Variants in WTAP observed in about 807,000 individuals in gnomAD.
The protein encoded by WTAP is WT1 associated protein, also known as pre-mRNA-splicing regulator WTAP.
Under a neutral mutation model 50.0 loss-of-function variants are expected in WTAP, and 8 were observed. The ratio of observed to expected loss-of-function variants is 0.16; its 90% CI spans 0.09 to 0.29. The LOEUF is 0.29. WTAP is among the 10% of genes least tolerant of loss of function. The pLI is 1.00. For missense variants in WTAP, 295 were observed against 470.7 expected (o/e 0.63, Z 3.45); for synonymous variants, 194 against 169.0 (o/e 1.15, Z -1.15).
At chr6:159,746,710 C>T (rs374326210) in intron 5 of WTAP, among the ~76,000 whole-genome samples, 33 of 152,228 alleles carry the variant, frequency 2.2e-4, no homozygotes, top group Admixed American at 8.5e-4. Context: ...TTTTTGTTCA[C>T]CTCAGTGGTA....
intron 1 of WTAP, among the ~76,000 whole-genome samples, chr6:159,728,671 A>T (rs1778377494): frequency 6.6e-6 from 1 of 152,242 alleles, no homozygotes; most frequent in Non-Finnish European, 1.5e-5. Flanking sequence ...TATGAGCGAA[A>T]AATCTTTTCA....
At chr6:159,749,771 A>G (rs1779755245) in intron 6 of WTAP, among the ~76,000 whole-genome samples, 1 of 152,186 alleles carries the variant, frequency 6.6e-6, no homozygotes, top group South Asian at 2.1e-4. Context: ...TATAGTGATC[A>G]TTTCTAGCAA....
In WTAP at chr6:159,755,738, T is replaced by G; in HGVS notation, c.*127T>G. 2 of 1,221,606 alleles carry G rather than the reference T, an allele frequency of 1.6e-6. No homozygotes were observed. Among genetic ancestry groups the G allele is most frequent in the Non-Finnish European group, 2.1e-6 (2 of 971,148 alleles). 75.7% of individuals were successfully genotyped at this position (1,221,606 alleles called of 1,614,324 possible). A position where few individuals can be genotyped will look rare whatever the true frequency, so the allele number is the denominator to read the frequency against. On this transcript the variant is annotated 3_prime_UTR_variant, in exon 8 of 8. Transcript: ENST00000621533. The stretch of plus-strand genomic sequence containing the variant: ...GTACGTTTTGGTTTTTTTTTGTTGT[T>G]TTTTTTCTTTGTTTTTTTTTTCTTT...
chr6:159,738,981 T>A lies in WTAP; in HGVS notation c.31-9T>A. On this transcript the variant is annotated splice_polypyrimidine_tract_variant and intron_variant, in intron 2 of 7. Coordinates refer to ENST00000621533, the MANE Select transcript of WTAP (RefSeq NM_001270531.2). Reference sequence around the variant, plus strand: ...GAACACTAAATTCATATTGTAATTCTCTTTATAGGTTCGATTGAGTGAAAC... The same window carrying A: ...GAACACTAAATTCATATTGTAATTCACTTTATAGGTTCGATTGAGTGAAAC... The A allele has an allele frequency of 6.2e-7, 1 of 1,605,442 alleles. No individual in the cohort carries two copies. The highest frequency in any genetic ancestry group is 8.5e-7 in the Non-Finnish European group (1 of 1,173,580).
rs1452031426 is a variant in WTAP, at chr6:159,727,606, C to T, written c.-106C>T. 32 of 986,300 alleles carry T rather than the reference C, an allele frequency of 3.2e-5. No individual in the cohort carries two copies. The highest frequency in any genetic ancestry group is 3.9e-5 in the Non-Finnish European group (32 of 830,734). 61.1% of individuals were successfully genotyped at this position (986,300 alleles called of 1,614,324 possible). A position where few individuals can be genotyped will look rare whatever the true frequency, so the allele number is the denominator to read the frequency against. On this transcript the variant is annotated 5_prime_UTR_variant, in exon 1 of 8. Transcript: ENST00000621533. ...GCGGCGGGGCCGGCGGCAGAGCTGT[C>T]CGGCTGCGCGGTGGCCCGGGGGGCC...
chr6:159,730,419 A>G (rs866540279), intron 1 of WTAP, among the ~76,000 whole-genome samples: 5 of 152,076 alleles, frequency 3.3e-5, no homozygotes, highest in Non-Finnish European at 5.9e-5. Flanking sequence ...CTTTAAATTT[A>G]GGTTATTGTG....
In WTAP at chr6:159,743,688, G is replaced by A. The variant is rs777327891; in HGVS notation, c.169G>A (p.Glu57Lys). ...LNSNDVTGLR[E>K]SEEKLKQQQQ... The stretch of plus-strand genomic sequence containing the variant: ...AGCTAATGATGTAACTGGCCTAAGA[G>A]AGTCTGAAGAAAAACTAAAGCAACA... The change falls in exon 5 of 8, where the codon GAG becomes AAG. Residue 57 changes from glutamate to lysine, a missense_variant. This residue lies in a region of WTAP where 120 missense variants were observed against 287.6 expected (regional missense o/e 0.42). Transcript: ENST00000621533. 1.2e-6 allele frequency: 2 copies of A among 1,612,646 alleles called. No individual in the cohort carries two copies. Among genetic ancestry groups the A allele is most frequent in the Non-Finnish European group, 1.7e-6 (2 of 1,179,434 alleles).
chr6:159,744,878 C>T (rs1583094754), intron 5 of WTAP, among the ~76,000 whole-genome samples: 1 of 152,144 alleles, frequency 6.6e-6, no homozygotes, highest in Admixed American at 6.5e-5. Flanking sequence ...GAGGTCTTCC[C>T]TATGTTGCCC....
chr6:159,741,289 G>C lies in WTAP; in HGVS notation c.87-799G>C, dbSNP rs530166144. On this transcript the variant is annotated intron_variant, in intron 3 of 7. Coordinates refer to ENST00000621533, the MANE Select transcript of WTAP (RefSeq NM_001270531.2). Reference sequence around the variant, plus strand: ...TCTGATAGCATATGGCATTTATGCAGGTTTCTGACAGTTAGATGTGATTGT... The same window carrying C: ...TCTGATAGCATATGGCATTTATGCACGTTTCTGACAGTTAGATGTGATTGT... 2.4e-3 allele frequency among the ~76,000 whole-genome samples: 369 copies of C among 152,278 alleles called. 2 individuals carry two copies. Among genetic ancestry groups the C allele is most frequent in the African/African-American group, 8.3e-3 (344 of 41,552 alleles).
intron 6 of WTAP, among the ~76,000 whole-genome samples, chr6:159,750,672 T>A (rs937616316): frequency 6.6e-6 from 1 of 152,262 alleles, no homozygotes; most frequent in Non-Finnish European, 1.5e-5. Flanking sequence ...TTAATGTATC[T>A]AGACAACTAC....
intron 6 of WTAP, among the ~76,000 whole-genome samples, chr6:159,750,008 A>G (rs1779761884): frequency 6.6e-6 from 1 of 152,160 alleles, no homozygotes; most frequent in Admixed American, 6.5e-5. Flanking sequence ...ATTCAAATCA[A>G]TTGTAAGTAT....
chr6:159,751,562 A>T (rs944488335), intron 6 of WTAP, among the ~76,000 whole-genome samples: 11 of 152,196 alleles, frequency 7.2e-5, no homozygotes, highest in African/African-American at 2.4e-4. Flanking sequence ...TGCTGATGGG[A>T]AATGGTGGAA....
chr6:159,731,316 A>C (rs1400902715), intron 1 of WTAP, among the ~76,000 whole-genome samples: 5 of 151,648 alleles, frequency 3.3e-5, no homozygotes, highest in Non-Finnish European at 7.4e-5. Context: ...AAAAAAAAAC[A>C]AATTAGCTGG....
At chr6:159,753,347 A>G in intron 6 of WTAP, 113 bp from the exon 7 acceptor site, 1 of 1,408,794 alleles carries the variant, frequency 7.1e-7, no homozygotes, top group Non-Finnish European at 9.9e-7. Context: ...ATGGGGAAGC[A>G]TCTGCTGTGA....
intron 3 of WTAP, among the ~76,000 whole-genome samples, chr6:159,739,824 C>CTTTTTTTT (rs56389349): frequency 9.4e-5 from 8 of 85,190 alleles, no homozygotes; most frequent in Non-Finnish European, 1.5e-4. Flanking sequence ...CACTTTTTAC[C>CTTTTTTTT]TTTTTTTTTT....
intron 1 of WTAP, chr6:159,730,751 C>CA (rs1778514522): frequency 6.6e-6 from 1 of 152,172 alleles, no homozygotes; most frequent in Non-Finnish European, 1.5e-5. Flanking sequence ...TTAAAAGTGA[C>CA]TCTGAGAGTT....
At chr6:159,741,909 C>T (rs951903426) in intron 3 of WTAP, 179 bp from the exon 4 acceptor site, 4 of 495,316 alleles carry the variant, frequency 8.1e-6, no homozygotes, top group Non-Finnish European at 1.4e-5. Context: ...CTGTTTGCGC[C>T]ACGCTGCACT....
chr6:159,730,297 A>T (rs1342441488), intron 1 of WTAP, among the ~76,000 whole-genome samples: 1 of 152,200 alleles, frequency 6.6e-6, no homozygotes, highest in Non-Finnish European at 1.5e-5. Context: ...TTCCTTCAGG[A>T]TTCAACTTTA....
At chr6:159,736,489 T>A in intron 2 of WTAP, 194 bp downstream of exon 2, 1 of 438,656 alleles carries the variant, frequency 2.3e-6, no homozygotes, top group Non-Finnish European at 4.0e-6. Flanking sequence ...GTATATTTTT[T>A]AGAATATTTT....
Sources: allele counts gnomAD v4.1 joint callset (sites outside exome capture counted in the v4.1 genomes callset), GRCh38; gene constraint gnomAD v4.1.1; regional missense constraint gnomAD v4.1.1; transcripts MANE v1.5; gene names NCBI Gene and HGNC (gene_info 2026-07-23, HGNC 2026-07-21).